ADGRL2: variants seen among roughly 807,000 people sequenced by gnomAD.
ADGRL2 encodes calcium-independent alpha-latrotoxin receptor 2.
A neutral mutation model predicts 157.4 loss-of-function variants in ADGRL2; 44 were observed. The observed-to-expected ratio is 0.28, with a 90% CI of 0.22 to 0.36. ADGRL2 has a LOEUF of 0.36. ADGRL2 is among the 10% of genes least tolerant of loss of function. The pLI, the probability that ADGRL2 is intolerant of heterozygous loss-of-function variation, is 1.00. For missense variants in ADGRL2, 1,510 were observed against 1,768.9 expected (o/e 0.85, Z 2.63); for synonymous variants, 585 against 624.7 (o/e 0.94, Z 0.95).
intron 1 of ADGRL2, among the ~76,000 whole-genome samples, chr1:81,328,238 G>T (rs1451077018): frequency 2.0e-5 from 3 of 152,088 alleles, no homozygotes; most frequent in Non-Finnish European, 4.4e-5. Context: ...TCAGTGGTTT[G>T]TTGGTATGTG....
chr1:81,390,631 C>T (rs2076527397), intron 1 of ADGRL2, among the ~76,000 whole-genome samples: 2 of 152,304 alleles, frequency 1.3e-5, no homozygotes, highest in African/African-American at 2.4e-5. Context: ...CATACCTATC[C>T]TAATAGATTT....
chr1:81,584,734 C>T (rs376637111), intron 3 of ADGRL2, among the ~76,000 whole-genome samples: 14 of 151,900 alleles, frequency 9.2e-5, no homozygotes, highest in South Asian at 8.3e-4. Context: ...ATTCTGGAGA[C>T]GGAAATAAAA....
At chr1:81,928,103 A>C (rs1338537863) in intron 3 of ADGRL2, among the ~76,000 whole-genome samples, 1 of 152,062 alleles carries the variant, frequency 6.6e-6, no homozygotes, top group Non-Finnish European at 1.5e-5. Context: ...TTTATGTTCT[A>C]AAGTTATATG....
intron 3 of ADGRL2, among the ~76,000 whole-genome samples, chr1:81,626,429 C>T (rs2081910722): frequency 6.6e-6 from 1 of 152,186 alleles, no homozygotes; most frequent in Admixed American, 6.5e-5. Flanking sequence ...CCTCAGCCCC[C>T]TAAGTAGCTG....
chr1:81,893,104 C>A (rs1330876228), intron 2 of ADGRL2, among the ~76,000 whole-genome samples: 2 of 152,136 alleles, frequency 1.3e-5, no homozygotes, highest in Admixed American at 6.6e-5. Flanking sequence ...TTCATTGTTA[C>A]ATCTTCTGTG....
At chr1:81,801,427 C>T (rs2088099281) in intron 1 of ADGRL2, among the ~76,000 whole-genome samples, 1 of 152,174 alleles carries the variant, frequency 6.6e-6, no homozygotes, top group Admixed American at 6.5e-5. Flanking sequence ...CTCTCTCTCC[C>T]TCTCGCTCCC....
At chr1:81,731,253 G>A (rs2084713580) in intron 1 of ADGRL2, among the ~76,000 whole-genome samples, 1 of 152,054 alleles carries the variant, frequency 6.6e-6, no homozygotes, top group South Asian at 2.1e-4. Flanking sequence ...TATTTTAAGT[G>A]TTTCTATGTT....
intron 3 of ADGRL2, among the ~76,000 whole-genome samples, chr1:81,613,130 A>G: frequency 6.6e-6 from 1 of 152,166 alleles, no homozygotes; most frequent in East Asian, 1.9e-4. Context: ...CAGCTGTTCA[A>G]TCCTGGGCTA....
At chr1:81,922,534 A>C (rs1401077964) in intron 3 of ADGRL2, among the ~76,000 whole-genome samples, 1 of 152,212 alleles carries the variant, frequency 6.6e-6, no homozygotes, top group East Asian at 1.9e-4. Flanking sequence ...CAATCTTTTT[A>C]TAGTAGAGAA....
At chr1:81,814,195 TTAA>T (rs1301041655) in intron 1 of ADGRL2, among the ~76,000 whole-genome samples, 1 of 151,702 alleles carries the variant, frequency 6.6e-6, no homozygotes, top group Admixed American at 6.6e-5. Context: ...TATTCTTGAA[TTAA>T]TAATAAAAAA....
At chr1:81,821,747 T>C (rs2091006039) in intron 1 of ADGRL2, among the ~76,000 whole-genome samples, 1 of 152,186 alleles carries the variant, frequency 6.6e-6, no homozygotes. Flanking sequence ...GTGCATCTTA[T>C]CAAATTAGGA....
intron 2 of ADGRL2, among the ~76,000 whole-genome samples, chr1:81,517,491 G>GAAAAAA (rs1383583561): frequency 2.1e-5 from 3 of 141,870 alleles, no homozygotes; most frequent in African/African-American, 8.1e-5. Flanking sequence ...AAAAAAAAAG[G>GAAAAAA]ATGTCAAAAC....
intron 2 of ADGRL2, among the ~76,000 whole-genome samples, chr1:81,793,227 A>C (rs2087433041): frequency 6.6e-6 from 1 of 151,436 alleles, no homozygotes; most frequent in Non-Finnish European, 1.5e-5. Flanking sequence ...AATGTATAGC[A>C]CTCTTGTTTA....
At chr1:81,584,268 C>T (rs2080978652) in intron 3 of ADGRL2, among the ~76,000 whole-genome samples, 1 of 152,070 alleles carries the variant, frequency 6.6e-6, no homozygotes, top group South Asian at 2.1e-4. Context: ...GCAAATAACC[C>T]TCACTGGGCA....
chr1:81,611,733 C>T (rs2081544898), intron 3 of ADGRL2, among the ~76,000 whole-genome samples: 1 of 152,178 alleles, frequency 6.6e-6, no homozygotes. Flanking sequence ...AACACTGTTT[C>T]CTAGGCCTTA....
intron 2 of ADGRL2, among the ~76,000 whole-genome samples, chr1:81,465,031 T>C (rs1393849475): frequency 4.6e-5 from 7 of 151,866 alleles, no homozygotes; most frequent in Non-Finnish European, 1.5e-5. Context: ...CAAGTGTCAC[T>C]CATGCTGTTG....
At chr1:81,815,535 C>G (rs2090311066) in intron 1 of ADGRL2, among the ~76,000 whole-genome samples, 1 of 151,736 alleles carries the variant, frequency 6.6e-6, no homozygotes, top group Non-Finnish European at 1.5e-5. Context: ...TCCAAAAGCA[C>G]TTTTCTATCA....
intron 4 of ADGRL2, among the ~76,000 whole-genome samples, chr1:81,941,658 A>G (rs746766481): frequency 1.3e-5 from 2 of 151,870 alleles, no homozygotes; most frequent in Non-Finnish European, 2.9e-5. Context: ...TGTCTATAGC[A>G]TACATATAGG....
At position 81,347,774 on chromosome 1, in the gene ADGRL2, G is replaced by A. The variant is rs72937020; in HGVS notation, c.-302+41265G>A. The stretch of plus-strand genomic sequence containing the variant: ...TAAAAAGATCATGGATGCATTTCAC[G>A]GACTTAATCAGGCATCTCTGCAAAA... On this transcript the variant is annotated intron_variant, in intron 1 of 24. Coordinates refer to the ADGRL2 transcript ENST00000370721. Among the ~76,000 whole-genome samples the A allele has an allele frequency of 5.4e-3, 828 of 152,278 alleles. 9 individuals carry two copies. The highest frequency in any genetic ancestry group is 0.019 in the African/African-American group (794 of 41,556).
Sources: gnomAD v4.1 joint callset for allele counts (sites outside exome capture counted in the v4.1 genomes callset) on GRCh38, gnomAD v4.1.1 for gene constraint, MANE v1.5 for transcripts, NCBI Gene and HGNC (gene_info 2026-07-23, HGNC 2026-07-21) for gene names.